MAPRE2: variants seen among roughly 807,000 people sequenced by gnomAD.
The protein encoded by MAPRE2 is microtubule-associated protein RP/EB family member 2.
MAPRE2 carries 13 observed loss-of-function variants against 43.2 expected under a neutral mutation model. The observed-to-expected ratio is 0.30, with a 90% CI of 0.20 to 0.48. The LOEUF is 0.48. Ranked by LOEUF, MAPRE2 falls within the 20% of genes least tolerant of loss-of-function variation. MAPRE2 has a pLI of 0.99. For synonymous variants in MAPRE2, 135 were observed against 148.8 expected (o/e 0.91, Z 0.68); for missense variants, 161 against 400.2 (o/e 0.40, Z 5.10).
intron 1 of MAPRE2, among the ~76,000 whole-genome samples, chr18:34,987,892 C>T (rs575983681): frequency 6.6e-6 from 1 of 152,296 alleles, no homozygotes; most frequent in Non-Finnish European, 1.5e-5. Context: ...ATCCACCCAC[C>T]TCGGCCTCCC....
chr18:35,023,858 G>C (rs1241031295), intron 2 of MAPRE2, among the ~76,000 whole-genome samples: 1 of 152,090 alleles, frequency 6.6e-6, no homozygotes, highest in Non-Finnish European at 1.5e-5. Context: ...ATGCCTTGCT[G>C]TTTTTCACTG....
upstream of MAPRE2, chr18:35,041,223 C>T (rs1024657515): frequency 5.4e-6 from 5 of 925,878 alleles, no homozygotes; most frequent in African/African-American, 8.5e-5. Context: ...AGATGTAGGC[C>T]TGCCCCGGTG....
chr18:35,081,127 G>A (rs1262284748), intron 2 of MAPRE2, among the ~76,000 whole-genome samples: 1 of 152,108 alleles, frequency 6.6e-6, no homozygotes, highest in Non-Finnish European at 1.5e-5. Flanking sequence ...ATGAAAAGAT[G>A]TACATCAACT....
intron 4 of MAPRE2, among the ~76,000 whole-genome samples, chr18:35,123,058 G>T (rs1190667469): frequency 6.6e-6 from 1 of 152,248 alleles, no homozygotes; most frequent in South Asian, 2.1e-4. Context: ...AGCGCCTCCA[G>T]CGGCCGGGGA....
intron 2 of MAPRE2, among the ~76,000 whole-genome samples, chr18:35,077,264 CACACACAT>C (rs765665041): frequency 0.024 from 2,614 of 107,536 alleles, 40 homozygotes; most frequent in African/African-American, 0.087. Context: ...CACACACACA[CACACACAT>C]ACACACACAC....
intron 3 of MAPRE2, among the ~76,000 whole-genome samples, chr18:35,100,729 C>A (rs935630234): frequency 6.6e-6 from 1 of 152,156 alleles, no homozygotes; most frequent in Non-Finnish European, 1.5e-5. Context: ...AACTGGGCTA[C>A]ATATTACAAA....
At chr18:35,101,238 G>A (rs1308715761) in intron 3 of MAPRE2, among the ~76,000 whole-genome samples, 1 of 151,974 alleles carries the variant, frequency 6.6e-6, no homozygotes, top group Non-Finnish European at 1.5e-5. Flanking sequence ...ATGATGTTTT[G>A]GTTTAGTTCT....
chr18:35,103,336 G>T (rs1377987509), intron 4 of MAPRE2, among the ~76,000 whole-genome samples: 1 of 152,122 alleles, frequency 6.6e-6, no homozygotes, highest in Non-Finnish European at 1.5e-5. Flanking sequence ...ATGGCTGAAT[G>T]CTGGGATAAA....
intron 6 of MAPRE2, among the ~76,000 whole-genome samples, chr18:35,135,090 T>C (rs1013673778): frequency 2.0e-5 from 3 of 152,224 alleles, no homozygotes; most frequent in Non-Finnish European, 4.4e-5. Flanking sequence ...CAAATGCAGT[T>C]ACTGGCTTAA....
chr18:35,048,475 CATAT>C (rs1905751794), intron 1 of MAPRE2, among the ~76,000 whole-genome samples: 1 of 150,898 alleles, frequency 6.6e-6, no homozygotes, highest in African/African-American at 2.4e-5. Context: ...TATACACATA[CATAT>C]ATACTTTTAG....
At chr18:35,131,977 A>G (rs1227662715) in intron 5 of MAPRE2, 55 bp from the exon 6 acceptor site, 1 of 1,550,656 alleles carries the variant, frequency 6.4e-7, no homozygotes, top group Non-Finnish European at 8.8e-7. Context: ...ATTGCTGGTC[A>G]TGTCTTATAC....
chr18:35,075,192 G>A (rs1907288822), intron 2 of MAPRE2, among the ~76,000 whole-genome samples: 2 of 152,218 alleles, frequency 1.3e-5, no homozygotes, highest in African/African-American at 4.8e-5. Context: ...AGTACACTCT[G>A]GCATTCACAC....
intron 4 of MAPRE2, among the ~76,000 whole-genome samples, chr18:35,122,359 G>C (rs916990009): frequency 1.3e-5 from 2 of 152,166 alleles, no homozygotes; most frequent in Non-Finnish European, 1.5e-5. Flanking sequence ...AACCTCGGAA[G>C]ATACTAAGAT....
At chr18:35,003,376 A>G (rs958099314) in intron 1 of MAPRE2, among the ~76,000 whole-genome samples, 12 of 152,226 alleles carry the variant, frequency 7.9e-5, no homozygotes, top group African/African-American at 2.9e-4. Flanking sequence ...ATTAAAATCT[A>G]TCCCTTTCTA....
At chr18:35,109,382 A>G (rs1419297047) in intron 4 of MAPRE2, among the ~76,000 whole-genome samples, 3 of 152,216 alleles carry the variant, frequency 2.0e-5, no homozygotes, top group Non-Finnish European at 2.9e-5. Flanking sequence ...GTTTGAAGTC[A>G]GGTAGTGTGA....
chr18:35,117,270 C>T (rs898428135), intron 4 of MAPRE2, among the ~76,000 whole-genome samples: 7 of 152,188 alleles, frequency 4.6e-5, no homozygotes, highest in Admixed American at 2.0e-4. Context: ...GGAGTTCTCC[C>T]TTCCCTGAGC....
chr18:34,993,318 G>A lies in MAPRE2; in HGVS notation c.-69-12174G>A, dbSNP rs950672752. On this transcript the variant is annotated intron_variant, in intron 1 of 7. Transcript: ENST00000413393. Reference sequence around the variant, plus strand: ...AGGTCATGTTTTGTTGCCCAGGGTGGTCTAGATCTCCTCGGCTCAAGGGAT... The same window carrying A: ...AGGTCATGTTTTGTTGCCCAGGGTGATCTAGATCTCCTCGGCTCAAGGGAT... Among the ~76,000 whole-genome samples, 3 of 147,178 alleles carry A rather than the reference G, an allele frequency of 2.0e-5. No individual in the cohort carries two copies. The East Asian group carries it at 6.0e-4, about 29-fold the overall frequency.
chr18:35,127,205 C>A, intron 5 of MAPRE2, 118 bp downstream of exon 5: 2 of 988,596 alleles, frequency 2.0e-6, no homozygotes, highest in Non-Finnish European at 1.5e-6. Flanking sequence ...TCCTTGGTTT[C>A]AAGTAAGTGA....
At chr18:35,043,615 CAA>C (rs1351215382) in intron 1 of MAPRE2, among the ~76,000 whole-genome samples, 1 of 152,240 alleles carries the variant, frequency 6.6e-6, no homozygotes, top group East Asian at 1.9e-4. Context: ...ATGTAAAAAA[CAA>C]AACTGAATTT....
Sources: gnomAD v4.1 joint callset for allele counts (sites outside exome capture counted in the v4.1 genomes callset) on GRCh38, gnomAD v4.1.1 for gene constraint, MANE v1.5 for transcripts, NCBI Gene and HGNC (gene_info 2026-07-23, HGNC 2026-07-21) for gene names.